Variants in NAMPT observed in about 807,000 individuals in gnomAD.
NAMPT encodes the protein NAmPRTase.
In NAMPT, 7 loss-of-function variants were observed where a neutral mutation model predicts 58.7. The ratio of observed to expected loss-of-function variants is 0.12; its 90% CI spans 0.07 to 0.22. NAMPT has a LOEUF of 0.22. Among genes scored for constraint, NAMPT ranks in the 10% least tolerant of loss-of-function variants. The pLI, the probability that NAMPT is intolerant of heterozygous loss-of-function variation, is 1.00. For missense variants in NAMPT, 271 were observed against 567.9 expected (o/e 0.48, Z 5.31); for synonymous variants, 145 against 198.1 (o/e 0.73, Z 2.25).
chr7:106,280,977 T>C (rs1266023185), intron 1 of NAMPT, among the ~76,000 whole-genome samples: 2 of 151,292 alleles, frequency 1.3e-5, no homozygotes, highest in South Asian at 2.1e-4. Context: ...CAGAAAAATG[T>C]AGTTCTTTTA....
Position 106,272,674 on chromosome 7 carries a change from GATAA to G in NAMPT, c.319-20_319-17del. The G allele has an allele frequency of 6.2e-7, 1 of 1,610,956 alleles. No homozygotes were observed. Among genetic ancestry groups the G allele is most frequent in the African/African-American group, 1.3e-5 (1 of 74,910 alleles). ...CATCATACTTCTGGCAGGATAAAATGATAAATTTATTTATTCAACAGATGATACT... is the reference window on the plus strand; with the variant it reads ...CATCATACTTCTGGCAGGATAAAATGATTTATTTATTCAACAGATGATACT... On this transcript the variant is annotated splice_polypyrimidine_tract_variant and intron_variant, in intron 3 of 10. Coordinates refer to ENST00000222553, the MANE Select transcript of NAMPT (RefSeq NM_005746.3).
At chr7:106,251,767 T>G (rs573021827) in intron 10 of NAMPT, among the ~76,000 whole-genome samples, 3 of 152,238 alleles carry the variant, frequency 2.0e-5, no homozygotes, top group South Asian at 2.1e-4. Flanking sequence ...AGATTCTGTT[T>G]ATACTCCAAA....
At chr7:106,276,669 C>G (rs1034158448) in intron 2 of NAMPT, 1 of 209,470 alleles carries the variant, frequency 4.8e-6, no homozygotes, top group African/African-American at 2.4e-5. Flanking sequence ...ATGGAGAAAG[C>G]CCGTCTTCAC....
At chr7:106,271,422 A>G (rs1792531147) in intron 4 of NAMPT, among the ~76,000 whole-genome samples, 1 of 152,190 alleles carries the variant, frequency 6.6e-6, no homozygotes, top group South Asian at 2.1e-4. Flanking sequence ...GTTCAGAATG[A>G]ATTGCCAACT....
chr7:106,278,236 T>C (rs957844757), intron 1 of NAMPT, among the ~76,000 whole-genome samples: 4 of 152,094 alleles, frequency 2.6e-5, no homozygotes, highest in Admixed American at 6.5e-5. Context: ...CTTCATAGCT[T>C]AGTACAAGAA....
intron 8 of NAMPT, among the ~76,000 whole-genome samples, chr7:106,260,614 T>G (rs183896255): frequency 2.0e-4 from 30 of 152,354 alleles, no homozygotes; most frequent in Non-Finnish European, 4.0e-4. Context: ...GAGGCCTATT[T>G]TAGCTTTCAG....
At chr7:106,254,862 A>G (rs1347890299) in intron 8 of NAMPT, among the ~76,000 whole-genome samples, 2 of 152,224 alleles carry the variant, frequency 1.3e-5, no homozygotes, top group African/African-American at 2.4e-5. Context: ...TCCAGATCTC[A>G]GCAACACAAG....
At chr7:106,278,185 C>T (rs1792688591) in intron 1 of NAMPT, among the ~76,000 whole-genome samples, 1 of 151,854 alleles carries the variant, frequency 6.6e-6, no homozygotes, top group Non-Finnish European at 1.5e-5. Flanking sequence ...TTTGGGTACA[C>T]AGTCTCAATC....
intron 8 of NAMPT, among the ~76,000 whole-genome samples, chr7:106,259,429 T>C (rs1000949557): frequency 1.3e-5 from 2 of 152,134 alleles, no homozygotes; most frequent in African/African-American, 4.8e-5. Flanking sequence ...CTTAAGAATA[T>C]ATTTCTTCTT....
At chr7:106,253,381 C>T (rs1413625469) in intron 9 of NAMPT, 9 of 453,762 alleles carry the variant, frequency 2.0e-5, no homozygotes, top group Middle Eastern at 6.1e-4. Context: ...ATCCTTTTTG[C>T]CACTGAAGAA....
intron 8 of NAMPT, among the ~76,000 whole-genome samples, chr7:106,259,658 C>G (rs113263823): frequency 3.9e-5 from 6 of 152,044 alleles, no homozygotes; most frequent in Non-Finnish European, 8.8e-5. Flanking sequence ...CTCCTGATTG[C>G]GTGATCTGCC....
chr7:106,267,869 A>C lies in NAMPT; in HGVS notation c.743+595T>G, dbSNP rs983664962. Among the ~76,000 whole-genome samples, 208 of 140,392 alleles carry C rather than the reference A, an allele frequency of 1.5e-3. 2 individuals carry two copies. Among genetic ancestry groups the C allele is most frequent in the African/African-American group, 4.9e-3 (187 of 38,456 alleles). The allele number at this position is 140,392 out of a possible 152,430, so 92.1% of individuals were successfully genotyped here. Reference sequence around the variant, plus strand: ...AAAAAAAAAAAAAAAAAAAAAAAAAAAAAAAAACAACCTGATTTACTTTTA... The same window carrying C: ...AAAAAAAAAAAAAAAAAAAAAAAAACAAAAAAACAACCTGATTTACTTTTA... On this transcript the variant is annotated intron_variant, in intron 6 of 10. Transcript: ENST00000222553.
intron 8 of NAMPT, among the ~76,000 whole-genome samples, chr7:106,257,888 G>T (rs1792231506): frequency 9.0e-6 from 1 of 111,506 alleles, no homozygotes; most frequent in South Asian, 3.6e-4. Flanking sequence ...ACCTGCAAGG[G>T]GGAGGGGTGT....
intron 6 of NAMPT, among the ~76,000 whole-genome samples, chr7:106,266,565 C>A (rs117906534): frequency 0.024 from 3,613 of 151,912 alleles, 69 homozygotes; most frequent in Middle Eastern, 0.086. Context: ...TAAACGTCAG[C>A]TGAATCTATT....
Position 106,261,572 on chromosome 7 carries a change from AAT to A in NAMPT, c.1089+14_1089+15del. 6.6e-7 allele frequency: 1 copy of A among 1,509,468 alleles called. No individual in the cohort carries two copies. Among genetic ancestry groups the A allele is most frequent in the Non-Finnish European group, 9.1e-7 (1 of 1,103,820 alleles). The allele number at this position is 1,509,468 out of a possible 1,614,324, so 93.5% of individuals were successfully genotyped here. A position where few individuals can be genotyped will look rare whatever the true frequency, so the allele number is the denominator to read the frequency against. On this transcript the variant is annotated intron_variant, in intron 8 of 10. Transcript: ENST00000222553. Reference sequence around the variant, plus strand: ...TAAGAAATGCCTTATTGAAACTTTTAATATAAAACACATACCTCTTGTAAGGT... The same window carrying A: ...TAAGAAATGCCTTATTGAAACTTTTAATAAAACACATACCTCTTGTAAGGT...
chr7:106,273,666 T>G (rs1012768880), intron 3 of NAMPT, among the ~76,000 whole-genome samples: 5 of 152,204 alleles, frequency 3.3e-5, no homozygotes, highest in Non-Finnish European at 7.3e-5. Flanking sequence ...CCCTGGCCAC[T>G]GGACAGTATA....
At chr7:106,275,485 C>T (rs549753626) in intron 2 of NAMPT, 11 of 153,450 alleles carry the variant, frequency 7.2e-5, no homozygotes, top group African/African-American at 2.6e-4. Flanking sequence ...CCCCAAACAA[C>T]ACACTTTTAA....
chr7:106,269,089 G>T (rs1287598106), intron 5 of NAMPT, 65 bp downstream of exon 5: 2 of 1,465,014 alleles, frequency 1.4e-6, no homozygotes, highest in Non-Finnish European at 1.8e-6. Context: ...GTCCCCAAAA[G>T]TTTACAGTGG....
intron 7 of NAMPT, among the ~76,000 whole-genome samples, chr7:106,262,437 A>G (rs891560936): frequency 6.6e-6 from 1 of 152,156 alleles, no homozygotes; most frequent in Non-Finnish European, 1.5e-5. Flanking sequence ...TCAGTTTCTC[A>G]TAACTAGCTG....
Sources: allele counts gnomAD v4.1 joint callset (sites outside exome capture counted in the v4.1 genomes callset), GRCh38; gene constraint gnomAD v4.1.1; transcripts MANE v1.5; gene names NCBI Gene and HGNC (gene_info 2026-07-23, HGNC 2026-07-21).